The following ARHGAP26 variants were observed in gnomAD, a reference collection of about 807,000 sequenced individuals.
ARHGAP26 encodes rho GTPase-activating protein 26.
Under a neutral mutation model 104.8 loss-of-function variants are expected in ARHGAP26, and 38 were observed. The ratio of observed to expected loss-of-function variants is 0.36; its 90% CI spans 0.28 to 0.48. The LOEUF is 0.48. Ranked by LOEUF, ARHGAP26 falls within the 20% of genes least tolerant of loss-of-function variation. The probability of loss-of-function intolerance (pLI) is 0.99; values close to 1 mark genes in which losing one functional copy is unlikely to be tolerated. For missense variants in ARHGAP26, 704 were observed against 947.9 expected, an observed-to-expected ratio of 0.74 and a Z score of 3.38; for synonymous variants, 341 against 340.0, an observed-to-expected ratio of 1.00 and a Z score of -0.03.
intron 14 of ARHGAP26, among the ~76,000 whole-genome samples, chr5:143,052,226 C>T (rs950871601): frequency 6.6e-6 from 1 of 152,114 alleles, no homozygotes; most frequent in African/African-American, 2.4e-5. Context: ...AATCCCAGCA[C>T]TTTAGGAGGC....
rs77954292 is a variant in ARHGAP26, at chr5:142,803,064, G to A, written c.154+32149G>A. ...ATGCGCAGACTGTCATAAAGTATGG[G>A]AACCTTATCTTTCTGGTCTGCATAG... On this transcript the variant is annotated intron_variant, in intron 1 of 22. Transcript: ENST00000645722. 5.7e-3 allele frequency among the ~76,000 whole-genome samples: 865 copies of A among 152,268 alleles called. 16 individuals are homozygous for A. The East Asian group carries it at 0.062, about 11-fold the overall frequency.
chr5:143,102,240 C>T (rs1241046730), intron 17 of ARHGAP26, among the ~76,000 whole-genome samples: 1 of 152,188 alleles, frequency 6.6e-6, no homozygotes, highest in East Asian at 1.9e-4. Context: ...CTCTTCTCTT[C>T]ACTTCCTGCC....
Position 142,871,475 on chromosome 5 carries a change from G to A in ARHGAP26, c.155-1925G>A, listed in dbSNP as rs1289401781. ...ACAGGATTGTCGGGTGGGTAGAAAG[G>A]CAAACCTGTGTTACTCTTAGTGCAG... On this transcript the variant is annotated intron_variant, in intron 1 of 22. Coordinates refer to ENST00000645722, the MANE Select transcript of ARHGAP26 (RefSeq NM_001135608.3). This position sits in a 1 kb window ranked among gnomAD's most constrained non-coding sequence, Gnocchi z 4.1. Among the ~76,000 whole-genome samples the A allele has an allele frequency of 2.0e-5, 3 of 152,202 alleles. No homozygotes were observed. Among genetic ancestry groups the A allele is most frequent in the African/African-American group, 4.8e-5 (2 of 41,442 alleles).
chr5:142,807,492 G>T (rs975415497), intron 1 of ARHGAP26, among the ~76,000 whole-genome samples: 1 of 152,208 alleles, frequency 6.6e-6, no homozygotes, highest in African/African-American at 2.4e-5. Context: ...AGGGAACTGG[G>T]AATGGATTCT....
intron 8 of ARHGAP26, among the ~76,000 whole-genome samples, chr5:142,906,493 TC>T (rs1761125363): frequency 6.6e-6 from 1 of 152,156 alleles, no homozygotes; most frequent in African/African-American, 2.4e-5. Context: ...TCCTCTTTCT[TC>T]CTCCCTCTCT....
chr5:143,057,191 T>G (rs757411880), intron 16 of ARHGAP26, among the ~76,000 whole-genome samples: 1 of 152,246 alleles, frequency 6.6e-6, no homozygotes, highest in African/African-American at 2.4e-5. Flanking sequence ...ACATTTCCTT[T>G]GATATCTTTG....
chr5:143,013,971 C>A, intron 11 of ARHGAP26, 109 bp from the exon 12 acceptor site: 1 of 1,052,216 alleles, frequency 9.5e-7, no homozygotes, highest in Non-Finnish European at 1.4e-6. Flanking sequence ...AAATTACCTT[C>A]CACTTCATGG....
At chr5:143,194,990 T>C (rs1212029764) in intron 20 of ARHGAP26, among the ~76,000 whole-genome samples, 5 of 152,140 alleles carry the variant, frequency 3.3e-5, no homozygotes, top group East Asian at 3.8e-4. Context: ...GAGAAGAAGC[T>C]TGAACAGATT....
rs142967156 is a variant in ARHGAP26 at position 142,803,472 on chromosome 5, T to C, written c.154+32557T>C. ...CTGCCCCATAGCTCCTGTCCTTTGT[T>C]GTTGCTAATAGAAACCTGGCCTTTC... On this transcript the variant is annotated intron_variant, in intron 1 of 22. Coordinates refer to ENST00000645722, the MANE Select transcript of ARHGAP26 (RefSeq NM_001135608.3). 4.3e-3 allele frequency among the ~76,000 whole-genome samples: 657 copies of C among 152,344 alleles called. 10 individuals carry two copies. Among genetic ancestry groups the C allele is most frequent in the African/African-American group, 0.013 (540 of 41,576 alleles).
intron 21 of ARHGAP26, among the ~76,000 whole-genome samples, chr5:143,211,113 G>A (rs912933550): frequency 1.3e-5 from 2 of 152,188 alleles, no homozygotes; most frequent in Admixed American, 1.3e-4. Context: ...AGACCTTTCA[G>A]AAGGAGTTAT....
intron 20 of ARHGAP26, among the ~76,000 whole-genome samples, chr5:143,191,345 A>G (rs1476933823): frequency 6.6e-6 from 1 of 152,228 alleles, no homozygotes; most frequent in African/African-American, 2.4e-5. Flanking sequence ...GCTTGAGTGG[A>G]CAAATATGCT....
intron 20 of ARHGAP26, among the ~76,000 whole-genome samples, chr5:143,174,247 A>G (rs1014814175): frequency 1.3e-5 from 2 of 152,198 alleles, no homozygotes; most frequent in African/African-American, 2.4e-5. Context: ...CATCTCCACA[A>G]TGGCATGCTA....
chr5:143,125,337 C>A (rs935451320), intron 18 of ARHGAP26, among the ~76,000 whole-genome samples: 4 of 152,154 alleles, frequency 2.6e-5, no homozygotes, highest in African/African-American at 9.7e-5. Context: ...CCCACACATC[C>A]TCAAGATAGT....
chr5:142,903,417 C>A (rs112182498), intron 7 of ARHGAP26, 123 bp from the exon 8 acceptor site: 2 of 1,056,360 alleles, frequency 1.9e-6, no homozygotes, highest in African/African-American at 1.6e-5. Context: ...AGTATTTGGC[C>A]AGTTCCTGGA....
intron 20 of ARHGAP26, among the ~76,000 whole-genome samples, chr5:143,177,812 T>C (rs1217536604): frequency 6.6e-6 from 1 of 152,020 alleles, no homozygotes; most frequent in Admixed American, 6.6e-5. Context: ...GGCCCACACC[T>C]GTTTCTTGTT....
In ARHGAP26 at chr5:142,950,932, A is replaced by C. The variant is rs570770391; in HGVS notation, c.1107+18807A>C. 1.2e-4 allele frequency among the ~76,000 whole-genome samples: 19 copies of C among 152,026 alleles called. No homozygotes were observed. In the South Asian group the frequency reaches 2.5e-3, roughly 20 times the overall value. On this transcript the variant is annotated intron_variant, in intron 11 of 22. Transcript: ENST00000645722. ...GATTCTAGGTTGGTAGATCTTTGAG[A>C]AGTGAGAATAAGACCTTTCCCTTTC... is the stretch of plus-strand genomic sequence containing the variant.
Position 143,228,214 on chromosome 5 carries a change from T to C in ARHGAP26, c.*5768T>C. On this transcript the variant is annotated 3_prime_UTR_variant, in exon 23 of 23. Coordinates refer to ENST00000645722, the MANE Select transcript of ARHGAP26 (RefSeq NM_001135608.3). ...TCAACCTTGTATCTGACAATGCACATCTGTTGATTCTAAAGTATATTTATG... is the reference window on the plus strand; with the variant it reads ...TCAACCTTGTATCTGACAATGCACACCTGTTGATTCTAAAGTATATTTATG... 1 of 224,570 alleles carries C rather than the reference T, an allele frequency of 4.5e-6. No homozygotes were observed. Among genetic ancestry groups the C allele is most frequent in the Non-Finnish European group, 8.9e-6 (1 of 112,592 alleles). The allele number at this position is 224,570 out of a possible 1,614,324, so 13.9% of individuals were successfully genotyped here. A position where few individuals can be genotyped will look rare whatever the true frequency, so the allele number is the denominator to read the frequency against.
At chr5:142,771,090 C>G in intron 1 of ARHGAP26, 175 bp downstream of exon 1, 1 of 1,365,782 alleles carries the variant, frequency 7.3e-7, no homozygotes, top group Non-Finnish European at 9.5e-7. Flanking sequence ...CAGCAACCAT[C>G]AGATGAAGAG....
intron 11 of ARHGAP26, among the ~76,000 whole-genome samples, chr5:142,991,975 A>G (rs1775687113): frequency 6.6e-6 from 1 of 152,232 alleles, no homozygotes; most frequent in Non-Finnish European, 1.5e-5. Context: ...CTGAGCCTAC[A>G]TCTATACTAG....
Sources: gnomAD v4.1 joint callset for allele counts (sites outside exome capture counted in the v4.1 genomes callset) on GRCh38, gnomAD v4.1.1 for gene constraint, Gnocchi (gnomAD v3.1) non-coding constraint, MANE v1.5 for transcripts, NCBI Gene and HGNC (gene_info 2026-07-23, HGNC 2026-07-21) for gene names.